The following KIF1B variants were observed in gnomAD, a reference collection of about 807,000 sequenced individuals.
KIF1B encodes kinesin family member 1B.
In KIF1B, 76 loss-of-function variants were observed where a neutral mutation model predicts 241.9. That is an observed-to-expected ratio of 0.31 (90% confidence interval 0.26 to 0.38). The LOEUF (loss-of-function observed/expected upper bound fraction) is 0.38, where lower values mean the gene tolerates loss of function less well. Ranked by LOEUF, KIF1B falls within the 10% of genes least tolerant of loss-of-function variation. KIF1B has a pLI of 1.00. For synonymous variants in KIF1B, 750 were observed against 796.7 expected, an observed-to-expected ratio of 0.94 and a Z score of 0.99; for missense variants, 1,622 against 2,271.4, an observed-to-expected ratio of 0.71 and a Z score of 5.81.
At chr1:10,250,809 G>A (rs116182248) in intron 2 of KIF1B, among the ~76,000 whole-genome samples, 321 of 152,284 alleles carry the variant, frequency 2.1e-3, no homozygotes, top group African/African-American at 7.3e-3. Context: ...CTGGGTGACA[G>A]ACCGTGACGC....
At chr1:10,340,766 A>T (rs1372311966) in intron 32 of KIF1B, among the ~76,000 whole-genome samples, 1 of 152,090 alleles carries the variant, frequency 6.6e-6, no homozygotes, top group Non-Finnish European at 1.5e-5. Context: ...AGAAAGCGAG[A>T]CTCCCATCTC....
At chr1:10,260,248 TA>T (rs886098812) in intron 4 of KIF1B, among the ~76,000 whole-genome samples, 6 of 152,194 alleles carry the variant, frequency 3.9e-5, no homozygotes, top group Non-Finnish European at 5.9e-5. Flanking sequence ...TTTGTATATC[TA>T]AACATAGAAA....
chr1:10,219,092 G>C (rs760893561), intron 1 of KIF1B, among the ~76,000 whole-genome samples: 2 of 152,172 alleles, frequency 1.3e-5, no homozygotes, highest in Non-Finnish European at 1.5e-5. Flanking sequence ...CTAATAGTTT[G>C]TCGAGAGAAA....
chr1:10,240,907 C>T (rs927657927), intron 2 of KIF1B, among the ~76,000 whole-genome samples: 1 of 151,900 alleles, frequency 6.6e-6, no homozygotes, highest in Non-Finnish European at 1.5e-5. Context: ...TCAGTAGCTG[C>T]TTAATATTGT....
intron 32 of KIF1B, among the ~76,000 whole-genome samples, chr1:10,340,514 C>T (rs1170747496): frequency 6.6e-6 from 1 of 152,014 alleles, no homozygotes; most frequent in Non-Finnish European, 1.5e-5. Context: ...TAAGATAATC[C>T]CTGTGTTAGC....
intron 43 of KIF1B, among the ~76,000 whole-genome samples, chr1:10,367,511 T>C (rs2102353118): frequency 6.7e-6 from 1 of 150,282 alleles, no homozygotes; most frequent in African/African-American, 2.4e-5. Flanking sequence ...CTATGATGTT[T>C]TTATTTTTTA....
intron 2 of KIF1B, among the ~76,000 whole-genome samples, chr1:10,241,119 G>T (rs373993785): frequency 2.0e-5 from 3 of 151,780 alleles, no homozygotes; most frequent in African/African-American, 7.2e-5. Flanking sequence ...GGTTAGTTTT[G>T]TGTGTGTGTG....
chr1:10,360,052 A>AT (rs965162321), intron 38 of KIF1B, among the ~76,000 whole-genome samples: 32 of 151,312 alleles, frequency 2.1e-4, no homozygotes, highest in African/African-American at 7.6e-4. Context: ...ATAAAATAAA[A>AT]AAATAATAAA....
At chr1:10,232,210 A>T in intron 1 of KIF1B, 40 bp from the exon 2 acceptor site, 1 of 710,608 alleles carries the variant, frequency 1.4e-6, no homozygotes, top group Non-Finnish European at 2.5e-6. Flanking sequence ...TTCTTGCTTT[A>T]ATTCTGACTA....
chr1:10,304,730 C>T, intron 22 of KIF1B: 1 of 1,571,470 alleles, frequency 6.4e-7, no homozygotes, highest in Non-Finnish European at 8.6e-7. Context: ...TACCTTTGGC[C>T]TTGAGTTCTT....
chr1:10,371,708 G>C (rs1481762647), intron 45 of KIF1B, among the ~76,000 whole-genome samples: 1 of 152,222 alleles, frequency 6.6e-6, no homozygotes, highest in Non-Finnish European at 1.5e-5. Flanking sequence ...CAAGGCAGGA[G>C]GATTGCTTGA....
chr1:10,307,440 G>C (rs1650884791), intron 22 of KIF1B: 1 of 393,886 alleles, frequency 2.5e-6, no homozygotes, highest in African/African-American at 2.2e-5. Flanking sequence ...CTCCTGGGTA[G>C]CTGGGACTAC....
chr1:10,212,900 A>ATATATATATATATATGTATTGTGTG (rs1557638332), intron 1 of KIF1B, among the ~76,000 whole-genome samples: 1 of 84,932 alleles, frequency 1.2e-5, no homozygotes, highest in African/African-American at 7.9e-5. Flanking sequence ...GTATATATAT[A>ATATATATATATATATGTATTGTGTG]TATATATATA....
In KIF1B at chr1:10,297,210, G is replaced by A. The variant is rs1478905768; in HGVS notation, c.2079G>A (p.Lys693=). 1 of 1,612,928 alleles carries A rather than the reference G, an allele frequency of 6.2e-7. No homozygotes were observed. Among genetic ancestry groups the A allele is most frequent in the African/African-American group, 1.3e-5 (1 of 74,716 alleles). The change falls in exon 22 of 49, where the codon AAG becomes AAA. Residue 693 remains lysine, a synonymous_variant. Transcript: ENST00000676179. The part of the protein sequence containing the change: ...QEMEILYKKE[K]EEADLLLEQQ... Reference sequence around the variant, plus strand: ...TGGAGATCTTATACAAAAAGGAGAAGGAAGAAGCAGATCTTCTTTTGGAGC... The same window carrying A: ...TGGAGATCTTATACAAAAAGGAGAAAGAAGAAGCAGATCTTCTTTTGGAGC...
chr1:10,366,266 T>TA (rs1638570309), intron 43 of KIF1B, among the ~76,000 whole-genome samples: 1 of 151,822 alleles, frequency 6.6e-6, no homozygotes, highest in Admixed American at 6.6e-5. Context: ...ATTAAAAAAT[T>TA]AAAAAATATA....
intron 2 of KIF1B, among the ~76,000 whole-genome samples, chr1:10,255,259 T>C (rs1647708215): frequency 1.3e-5 from 2 of 152,148 alleles, no homozygotes; most frequent in Admixed American, 1.3e-4. Context: ...CCATTTCTGA[T>C]GTGTTCCAAT....
At chr1:10,282,234 C>T (rs1397255655) in intron 14 of KIF1B, 88 bp from the exon 15 acceptor site, 4 of 1,068,610 alleles carry the variant, frequency 3.7e-6, no homozygotes, top group East Asian at 2.6e-5. Context: ...TCCTTTCTTA[C>T]AACGATATTC....
At chr1:10,342,793 T>G (rs559582457) in intron 33 of KIF1B, among the ~76,000 whole-genome samples, 1 of 152,342 alleles carries the variant, frequency 6.6e-6, no homozygotes, top group South Asian at 2.1e-4. Flanking sequence ...CAGGGTTTAT[T>G]GATTTCTACA....
intron 17 of KIF1B, among the ~76,000 whole-genome samples, chr1:10,293,645 G>A (rs1569737845): frequency 6.6e-6 from 1 of 152,072 alleles, no homozygotes; most frequent in East Asian, 1.9e-4. Flanking sequence ...ACCCACTTCA[G>A]CCTCTCGAAG....
Sources: gnomAD v4.1 joint callset for allele counts (sites outside exome capture counted in the v4.1 genomes callset) on GRCh38, gnomAD v4.1.1 for gene constraint, MANE v1.5 for transcripts, NCBI Gene and HGNC (gene_info 2026-07-23, HGNC 2026-07-21) for gene names.